DRC11L: variants seen among roughly 807,000 people sequenced by gnomAD.
DRC11L encodes the protein dynein regulatory complex subunit 11 like, also known as dynein regulatory complex subunit like-11.
the DRC11L span, among the ~76,000 whole-genome samples, chr7:151,199,778 C>CCTT: frequency 2.0e-5 from 3 of 152,254 alleles, no homozygotes; most frequent in Admixed American, 2.0e-4. The surrounding 1 kb of genome is among the most constrained non-coding windows in gnomAD (Gnocchi z 5.2). Flanking sequence ...GGGGCAAAGC[C>CCTT]CTTCCCCCAG....
At chr7:151,194,960 C>T in the DRC11L span, among the ~76,000 whole-genome samples, 13 of 152,280 alleles carry the variant, frequency 8.5e-5, no homozygotes, top group African/African-American at 1.9e-4. Context: ...ACATTTAAGA[C>T]GTGAGTGCTC....
chr7:151,192,497 T>G, the DRC11L span: 3 of 398,600 alleles, frequency 7.5e-6, no homozygotes, highest in Non-Finnish European at 1.3e-5. Flanking sequence ...TGGGGCACAG[T>G]GGCCCAGCGT....
the DRC11L span, chr7:151,195,340 A>G: frequency 1.3e-5 from 5 of 398,842 alleles, no homozygotes; most frequent in Non-Finnish European, 1.8e-5. Context: ...GTCTCACAGC[A>G]GCAGAGCCAG....
At chr7:151,191,879 G>A in the DRC11L span, 5 of 399,142 alleles carry the variant, frequency 1.3e-5, no homozygotes, top group Non-Finnish European at 2.2e-5. Context: ...CCAGAGCACT[G>A]CAGGCATGTG....
At chr7:151,201,610 G>T in the DRC11L span, among the ~76,000 whole-genome samples, 1 of 152,184 alleles carries the variant, frequency 6.6e-6, no homozygotes, top group Admixed American at 6.5e-5. The surrounding 1 kb of genome is among the most constrained non-coding windows in gnomAD (Gnocchi z 4.1). Flanking sequence ...TTAGTTGGTT[G>T]CCTGCTTTTG....
chr7:151,197,330 G>A, the DRC11L span: 10 of 398,286 alleles, frequency 2.5e-5, no homozygotes, highest in African/African-American at 2.1e-4. Context: ...ATTCTCACCT[G>A]TGACCAATGA....
the DRC11L span, chr7:151,192,537 C>T: frequency 2.5e-6 from 1 of 398,476 alleles, no homozygotes; most frequent in South Asian, 1.3e-4. Flanking sequence ...AGAGCCCACC[C>T]CACCCTCAGC....
chr7:151,204,248 G>T, the DRC11L span, among the ~76,000 whole-genome samples: 1 of 152,132 alleles, frequency 6.6e-6, no homozygotes, highest in African/African-American at 2.4e-5. Flanking sequence ...CACCGCCAAG[G>T]TTCCTGAAGC....
chr7:151,205,342 C>A, the DRC11L span: 1 of 398,942 alleles, frequency 2.5e-6, no homozygotes, highest in Non-Finnish European at 4.4e-6. Flanking sequence ...TGGGGTGGCC[C>A]AGTGCCCAAA....
the DRC11L span, among the ~76,000 whole-genome samples, chr7:151,193,861 T>G: frequency 1.3e-5 from 2 of 150,490 alleles, no homozygotes; most frequent in Admixed American, 6.6e-5. Context: ...GAGCTGAGAT[T>G]GTGCCACTGC....
the DRC11L span, chr7:151,196,078 A>G: frequency 4.1e-6 from 1 of 241,038 alleles, no homozygotes; most frequent in Non-Finnish European, 8.0e-6. Flanking sequence ...ATGACTGAAC[A>G]CTCCTGAAGC....
At chr7:151,195,813 C>T in the DRC11L span, 3,583 of 392,734 alleles carry the variant, frequency 9.1e-3, 24 homozygotes, top group South Asian at 0.036. Flanking sequence ...GATGCCTTCC[C>T]GAACATTCCT....
chr7:151,194,885 T>C, the DRC11L span, among the ~76,000 whole-genome samples: 1 of 152,268 alleles, frequency 6.6e-6, no homozygotes, highest in Non-Finnish European at 1.5e-5. Context: ...GTCTGCCCCC[T>C]GACCAAAGGT....
the DRC11L span, among the ~76,000 whole-genome samples, chr7:151,201,364 C>A: frequency 6.6e-6 from 1 of 152,198 alleles, no homozygotes; most frequent in Admixed American, 6.5e-5. The surrounding 1 kb of genome is among the most constrained non-coding windows in gnomAD (Gnocchi z 4.1). Context: ...TGATGTCTGG[C>A]AACAGGTACA....
chr7:151,199,709 C>A, the DRC11L span, among the ~76,000 whole-genome samples: 1 of 152,092 alleles, frequency 6.6e-6, no homozygotes, highest in Non-Finnish European at 1.5e-5. The surrounding 1 kb of genome is among the most constrained non-coding windows in gnomAD (Gnocchi z 5.2). Context: ...TCCCTCCAGT[C>A]CCCAGCCCAG....
the DRC11L span, chr7:151,193,344 C>T: frequency 2.5e-6 from 1 of 399,706 alleles, no homozygotes; most frequent in East Asian, 3.6e-5. Context: ...GGATATTTGC[C>T]CAGCAGGTTT....
chr7:151,196,262 A>C, the DRC11L span, among the ~76,000 whole-genome samples: 4 of 152,138 alleles, frequency 2.6e-5, no homozygotes, highest in Non-Finnish European at 5.9e-5. Flanking sequence ...CAGCAGGTGG[A>C]GCTAGGACCA....
At chr7:151,204,382 T>C in the DRC11L span, 23 of 223,792 alleles carry the variant, frequency 1.0e-4, no homozygotes, top group East Asian at 2.6e-4. Flanking sequence ...GCCCCATCCC[T>C]ACCCCACCCG....
At chr7:151,201,336 G>A in the DRC11L span, among the ~76,000 whole-genome samples, 2 of 152,170 alleles carry the variant, frequency 1.3e-5, no homozygotes, top group East Asian at 1.9e-4. This position sits in a 1 kb window ranked among gnomAD's most constrained non-coding sequence, Gnocchi z 4.1. Context: ...AGACCAGCAC[G>A]CAATATTTCT....
Sources: gnomAD v4.1 joint callset for allele counts (sites outside exome capture counted in the v4.1 genomes callset) on GRCh38, gnomAD v4.1.1 for gene constraint, Gnocchi (gnomAD v3.1) non-coding constraint, MANE v1.5 for transcripts, NCBI Gene and HGNC (gene_info 2026-07-23, HGNC 2026-07-21) for gene names.